Variants in C10orf90 observed in about 807,000 individuals in gnomAD.
The protein encoded by C10orf90 is chromosome 10 open reading frame 90, also known as (E2-independent) E3 ubiquitin-conjugating enzyme FATS.
C10orf90 carries 56 observed loss-of-function variants against 62.5 expected under a neutral mutation model. That is an observed-to-expected ratio of 0.90 (90% CI 0.72 to 1.12). The LOEUF (loss-of-function observed/expected upper bound fraction) is 1.12, where lower values mean the gene tolerates loss of function less well. C10orf90 is among the 50% of genes most tolerant of loss of function. The pLI is 0.00. For missense variants in C10orf90, 970 were observed against 880.4 expected, an observed-to-expected ratio of 1.10 and a Z score of -1.29; for synonymous variants, 386 against 340.4, an observed-to-expected ratio of 1.13 and a Z score of -1.47.
In C10orf90 at chr10:126,608,042, C is replaced by T. The variant is rs532492605; in HGVS notation, c.313+38523G>A. On this transcript the variant is annotated intron_variant, in intron 2 of 9. Coordinates refer to ENST00000488181, the MANE Select transcript of C10orf90 (RefSeq NM_001350921.2). ...AGAGTTTTAGTTTTCCAAGACGAAA[C>T]GAGTTCAGTTCTGAGGATAGATGGT... 3.6e-4 allele frequency among the ~76,000 whole-genome samples: 55 copies of T among 152,228 alleles called. 1 individual carries two copies. The highest frequency in any genetic ancestry group is 1.0e-3 in the Admixed American group (16 of 15,290).
chr10:126,544,441 T>C (rs1431763519), intron 2 of C10orf90, among the ~76,000 whole-genome samples: 1 of 152,032 alleles, frequency 6.6e-6, no homozygotes, highest in Admixed American at 6.6e-5. Flanking sequence ...CTGGGGGCCA[T>C]TGCGTGAAAT....
intron 4 of C10orf90, chr10:126,470,171 G>A (rs574112775): frequency 3.5e-5 from 14 of 401,078 alleles, no homozygotes; most frequent in African/African-American, 1.6e-4. Flanking sequence ...TGCAGAGGGA[G>A]AGAAGGCATT....
intron 1 of C10orf90, among the ~76,000 whole-genome samples, chr10:126,653,014 T>A (rs1213093808): frequency 1.3e-5 from 2 of 152,196 alleles, no homozygotes; most frequent in Non-Finnish European, 2.9e-5. Flanking sequence ...ATTAAAGGTG[T>A]ATTATGTCAA....
At chr10:126,670,108 C>A in intron 1 of C10orf90, 133 bp downstream of exon 1, 1 of 347,884 alleles carries the variant, frequency 2.9e-6, no homozygotes, top group East Asian at 7.6e-5. Flanking sequence ...TTCCAAATCC[C>A]TTAGGGAAGT....
At chr10:126,619,834 T>A (rs1386201112) in intron 2 of C10orf90, among the ~76,000 whole-genome samples, 1 of 152,024 alleles carries the variant, frequency 6.6e-6, no homozygotes, top group Non-Finnish European at 1.5e-5. Flanking sequence ...AGAGACGGGG[T>A]TTTGCCATGT....
At chr10:126,565,472 C>A (rs1844363942) in intron 2 of C10orf90, among the ~76,000 whole-genome samples, 1 of 113,850 alleles carries the variant, frequency 8.8e-6, no homozygotes, top group African/African-American at 3.4e-5. Context: ...ACTTGTGCAT[C>A]AGTCAATTTG....
At chr10:126,462,134 A>G (rs1860027429) in intron 5 of C10orf90, among the ~76,000 whole-genome samples, 1 of 152,190 alleles carries the variant, frequency 6.6e-6, no homozygotes, top group African/African-American at 2.4e-5. Context: ...GGAAAAGGTC[A>G]GGAAATGAAT....
intron 2 of C10orf90, among the ~76,000 whole-genome samples, chr10:126,589,687 G>A (rs536588491): frequency 2.3e-4 from 35 of 152,268 alleles, no homozygotes; most frequent in African/African-American, 7.5e-4. Context: ...GGCCTGCCTT[G>A]TAAGAGCTCC....
intron 2 of C10orf90, among the ~76,000 whole-genome samples, chr10:126,516,664 A>C (rs187030488): frequency 2.0e-3 from 305 of 152,336 alleles, no homozygotes; most frequent in African/African-American, 7.1e-3. Context: ...GATCAGATAC[A>C]CAAAGGCTGA....
At chr10:126,599,517 A>G (rs903001911) in intron 2 of C10orf90, among the ~76,000 whole-genome samples, 3 of 151,866 alleles carry the variant, frequency 2.0e-5, no homozygotes, top group Middle Eastern at 3.4e-3. Context: ...GAGCCATTCA[A>G]TTGATGGAAA....
At chr10:126,524,848 C>A (rs866514811) in intron 2 of C10orf90, 6 of 985,260 alleles carry the variant, frequency 6.1e-6, no homozygotes, top group South Asian at 4.7e-5. Context: ...CTTTAGCTTG[C>A]TTCTCCCATT....
chr10:126,475,356 C>T (rs1399512251), intron 4 of C10orf90, among the ~76,000 whole-genome samples: 1 of 152,084 alleles, frequency 6.6e-6, no homozygotes, highest in African/African-American at 2.4e-5. Context: ...GGCTTAAGCC[C>T]CAGGATGGTC....
At chr10:126,657,852 G>T (rs905391296) in intron 1 of C10orf90, among the ~76,000 whole-genome samples, 1 of 152,182 alleles carries the variant, frequency 6.6e-6, no homozygotes, top group South Asian at 2.1e-4. Context: ...CCAGCCTCAG[G>T]TGATCTGCCT....
intron 2 of C10orf90, among the ~76,000 whole-genome samples, chr10:126,537,905 C>T (rs1040306662): frequency 3.9e-5 from 6 of 152,074 alleles, no homozygotes; most frequent in South Asian, 2.1e-4. Flanking sequence ...AAAATGAGGT[C>T]GTTAGAGTGG....
At chr10:126,666,669 A>G (rs1217354776) in intron 1 of C10orf90, among the ~76,000 whole-genome samples, 4 of 152,224 alleles carry the variant, frequency 2.6e-5, no homozygotes, top group South Asian at 2.1e-4. Context: ...CCAGAGGCAT[A>G]TGCAGTTCTT....
At chr10:126,530,652 A>G (rs894677349) in intron 2 of C10orf90, among the ~76,000 whole-genome samples, 1 of 152,172 alleles carries the variant, frequency 6.6e-6, no homozygotes, top group African/African-American at 2.4e-5. Flanking sequence ...TGAAAGGGAT[A>G]GAATAAGATA....
chr10:126,484,569 A>G (rs1861330454), intron 4 of C10orf90, among the ~76,000 whole-genome samples: 1 of 152,218 alleles, frequency 6.6e-6, no homozygotes, highest in Non-Finnish European at 1.5e-5. Flanking sequence ...TATACACTCA[A>G]TTCTAGAGAG....
chr10:126,655,005 G>A (rs1336837555), intron 1 of C10orf90, among the ~76,000 whole-genome samples: 1 of 152,128 alleles, frequency 6.6e-6, no homozygotes, highest in Non-Finnish European at 1.5e-5. Context: ...GGTGCAATTT[G>A]TGGCACCTCA....
At chr10:126,537,215 C>A (rs1864261142) in intron 2 of C10orf90, among the ~76,000 whole-genome samples, 1 of 152,180 alleles carries the variant, frequency 6.6e-6, no homozygotes, top group Admixed American at 6.5e-5. Flanking sequence ...GCTACCATGT[C>A]ATTTCCAACA....
Sources: allele counts gnomAD v4.1 joint callset (sites outside exome capture counted in the v4.1 genomes callset), GRCh38; gene constraint gnomAD v4.1.1; transcripts MANE v1.5; gene names NCBI Gene and HGNC (gene_info 2026-07-23, HGNC 2026-07-21).